The following CHST11 variants were observed in gnomAD, a reference collection of about 807,000 sequenced individuals.
CHST11 encodes C4S-1.
A neutral mutation model predicts 30.4 loss-of-function variants in CHST11; 9 were observed. That is an observed-to-expected ratio of 0.30 (90% CI 0.18 to 0.52). The LOEUF (loss-of-function observed/expected upper bound fraction) is 0.52, where lower values mean the gene tolerates loss of function less well. CHST11 is among the 20% of genes least tolerant of loss of function. CHST11 has a pLI of 0.97. For synonymous variants in CHST11, 152 were observed against 187.8 expected (o/e 0.81, Z 1.56); for missense variants, 348 against 460.6 (o/e 0.76, Z 2.24).
At chr12:104,642,120 C>T (rs772590142) in intron 2 of CHST11, among the ~76,000 whole-genome samples, 7 of 152,104 alleles carry the variant, frequency 4.6e-5, no homozygotes, top group Non-Finnish European at 1.0e-4. Context: ...AAATGAGGAA[C>T]TGGGTAGGTA....
intron 2 of CHST11, among the ~76,000 whole-genome samples, chr12:104,730,503 C>T (rs749779253): frequency 2.0e-5 from 3 of 152,016 alleles, no homozygotes; most frequent in Admixed American, 1.3e-4. Flanking sequence ...ATGATGGGCC[C>T]GGATGGGTAT....
chr12:104,677,849 C>A (rs1283372621), intron 2 of CHST11, among the ~76,000 whole-genome samples: 1 of 152,208 alleles, frequency 6.6e-6, no homozygotes, highest in Non-Finnish European at 1.5e-5. Context: ...CACCCTGTCC[C>A]TCAGTTGCTG....
At chr12:104,479,597 G>GT (rs1177436454) in intron 1 of CHST11, among the ~76,000 whole-genome samples, 3 of 152,122 alleles carry the variant, frequency 2.0e-5, no homozygotes, top group African/African-American at 7.2e-5. Flanking sequence ...ATCAGATCTT[G>GT]TTTTTCTGAT....
chr12:104,753,177 G>A (rs901264018), intron 2 of CHST11, among the ~76,000 whole-genome samples: 3 of 152,202 alleles, frequency 2.0e-5, no homozygotes, highest in Non-Finnish European at 4.4e-5. Flanking sequence ...AGGCAATGCC[G>A]AGACCACCAC....
intron 1 of CHST11, among the ~76,000 whole-genome samples, chr12:104,578,681 G>A (rs1474277441): frequency 6.6e-6 from 1 of 152,196 alleles, no homozygotes; most frequent in Non-Finnish European, 1.5e-5. Context: ...TGTGAAAAGT[G>A]ATTCACATGT....
intron 1 of CHST11, among the ~76,000 whole-genome samples, chr12:104,571,967 A>G (rs1166843562): frequency 6.6e-6 from 1 of 152,208 alleles, no homozygotes; most frequent in African/African-American, 2.4e-5. Flanking sequence ...ATCTATTCAG[A>G]TAATCATGTG....
intron 1 of CHST11, among the ~76,000 whole-genome samples, chr12:104,586,533 T>C (rs933045999): frequency 1.3e-5 from 2 of 152,206 alleles, no homozygotes; most frequent in African/African-American, 2.4e-5. Context: ...TAAATAAAGG[T>C]TACCTGGACT....
chr12:104,498,067 T>A (rs2037817651), intron 1 of CHST11, among the ~76,000 whole-genome samples: 1 of 151,940 alleles, frequency 6.6e-6, no homozygotes, highest in South Asian at 2.1e-4. Context: ...TGTAGGCATG[T>A]ACCACCACAC....
chr12:104,672,214 G>A (rs777290293), intron 2 of CHST11, among the ~76,000 whole-genome samples: 1 of 151,134 alleles, frequency 6.6e-6, no homozygotes, highest in African/African-American at 2.5e-5. Context: ...GCCTGCACAG[G>A]GGGGTGGACC....
chr12:104,540,146 A>T (rs533198525), intron 1 of CHST11, among the ~76,000 whole-genome samples: 1 of 152,292 alleles, frequency 6.6e-6, no homozygotes, highest in East Asian at 1.9e-4. Context: ...TTGGAACTTT[A>T]TGGAATTTTT....
intron 2 of CHST11, among the ~76,000 whole-genome samples, chr12:104,674,230 T>C (rs2039720928): frequency 6.6e-6 from 1 of 152,178 alleles, no homozygotes; most frequent in African/African-American, 2.4e-5. Context: ...TTTAAAACTC[T>C]TAGCTGTTCA....
rs312160 is a variant in CHST11, at chr12:104,729,731, C to T, written c.205-27218C>T. 0.57 allele frequency among the ~76,000 whole-genome samples: 86,643 copies of T among 151,468 alleles called. 25,624 individuals are homozygous for T. The highest frequency in any genetic ancestry group is 0.98 in the East Asian group (5,055 of 5,134). ...TGCAGACGGTGGCCTGGTGAAGTGCCGTGTACCTAGGAGTTGAGGGGGAGC... is the reference window on the plus strand; with the variant it reads ...TGCAGACGGTGGCCTGGTGAAGTGCTGTGTACCTAGGAGTTGAGGGGGAGC... On this transcript the variant is annotated intron_variant, in intron 2 of 2. Transcript: ENST00000303694. The surrounding 1 kb of genome is among the most constrained non-coding windows in gnomAD (Gnocchi z 4.0).
intron 2 of CHST11, among the ~76,000 whole-genome samples, chr12:104,620,059 T>G (rs1187589723): frequency 6.6e-6 from 1 of 152,204 alleles, no homozygotes; most frequent in African/African-American, 2.4e-5. Flanking sequence ...CTTGAAGATC[T>G]CATTGAATTT....
chr12:104,757,225 C>G lies in CHST11; in HGVS notation c.481C>G (p.Leu161Val), dbSNP rs1269363863. ...PANEAHVSAN[L>V]KTLNQYSIPE... ...CAACGAGGCACACGTCTCCGCCAAC[C>G]TGAAGACCCTGAACCAGTACAGCAT... The change falls in exon 3 of 3, where the codon CTG (leucine) becomes GTG (valine). Residue 161 changes from leucine to valine, a missense_variant. Physicochemically the swap from Leu to Val is conservative, Grantham distance 32. Coordinates refer to ENST00000303694, the MANE Select transcript of CHST11 (RefSeq NM_018413.6). The surrounding 1 kb of genome is among the most constrained non-coding windows in gnomAD (Gnocchi z 6.5). 1 of 1,614,148 alleles carries G rather than the reference C, an allele frequency of 6.2e-7. No homozygotes were observed. The highest frequency in any genetic ancestry group is 1.3e-5 in the African/African-American group (1 of 75,036).
intron 2 of CHST11, among the ~76,000 whole-genome samples, chr12:104,754,222 C>T (rs1316582488): frequency 6.6e-6 from 1 of 152,182 alleles, no homozygotes; most frequent in African/African-American, 2.4e-5. Flanking sequence ...GTCTCAGCAT[C>T]GTATCCCGGC....
At chr12:104,476,076 T>C (rs1593955899) in intron 1 of CHST11, among the ~76,000 whole-genome samples, 2 of 144,568 alleles carry the variant, frequency 1.4e-5, no homozygotes, top group South Asian at 4.2e-4. Context: ...ATATATGTAG[T>C]TATATATGTA....
chr12:104,541,123 C>G (rs2038282756), intron 1 of CHST11, among the ~76,000 whole-genome samples: 1 of 99,574 alleles, frequency 1.0e-5, no homozygotes, highest in Non-Finnish European at 2.1e-5. Flanking sequence ...CCCTCTCTCT[C>G]TCTCTCTCAC....
chr12:104,581,834 C>G (rs1317667413), intron 1 of CHST11, among the ~76,000 whole-genome samples: 1 of 152,208 alleles, frequency 6.6e-6, no homozygotes, highest in Non-Finnish European at 1.5e-5. Flanking sequence ...TGCTGTGGCA[C>G]TTTGCCATTT....
intron 2 of CHST11, among the ~76,000 whole-genome samples, chr12:104,752,174 A>G (rs1040489025): frequency 1.3e-5 from 2 of 152,148 alleles, no homozygotes; most frequent in Admixed American, 6.5e-5. Context: ...GCCTCTTCCC[A>G]GCTGCTGGTG....
Sources: allele counts gnomAD v4.1 joint callset (sites outside exome capture counted in the v4.1 genomes callset), GRCh38; gene constraint gnomAD v4.1.1; non-coding constraint Gnocchi (gnomAD v3.1); transcripts MANE v1.5; gene names NCBI Gene and HGNC (gene_info 2026-07-23, HGNC 2026-07-21).